The following AGR3 variants were observed in gnomAD, a reference collection of about 807,000 sequenced individuals.
AGR3 encodes anterior gradient protein 3.
AGR3 carries 37 observed loss-of-function variants against 24.5 expected under a neutral mutation model. The observed-to-expected ratio is 1.51, with a 90% CI of 1.16 to 1.99. AGR3 has a LOEUF of 1.99. AGR3 is among the 30% of genes most tolerant of loss of function. The pLI is 0.00. For missense variants in AGR3, 228 were observed against 191.1 expected, an observed-to-expected ratio of 1.19 and a Z score of -1.14; for synonymous variants, 75 against 61.6, an observed-to-expected ratio of 1.22 and a Z score of -1.02.
At chr7:16,877,107 C>T (rs1781998920) in intron 2 of AGR3, among the ~76,000 whole-genome samples, 1 of 151,530 alleles carries the variant, frequency 6.6e-6, no homozygotes, top group African/African-American at 2.4e-5. Context: ...AGTTAATTAG[C>T]TTAGGTAAAC....
At chr7:16,855,895 A>G (rs1386287073), downstream of AGR3, among the ~76,000 whole-genome samples, 3 of 152,202 alleles carry the variant, frequency 2.0e-5, no homozygotes, top group Non-Finnish European at 4.4e-5. Flanking sequence ...TTGTATACTT[A>G]TGTATTGTAA....
At position 16,878,619 on chromosome 7, in the gene AGR3, G is replaced by A; in HGVS notation, c.-1C>T. On this transcript the variant is annotated 5_prime_UTR_variant, in exon 2 of 8. Coordinates refer to ENST00000310398, the MANE Select transcript of AGR3 (RefSeq NM_176813.5). Reference sequence around the variant, plus strand: ...GACCCAAAGCTGAGTGTAGCATCATGTCTTCTAGAGACTCTCTCAGAAGAA... The same window carrying A: ...GACCCAAAGCTGAGTGTAGCATCATATCTTCTAGAGACTCTCTCAGAAGAA... 6.2e-7 allele frequency: 1 copy of A among 1,612,546 alleles called. No individual in the cohort carries two copies. Among genetic ancestry groups the A allele is most frequent in the Non-Finnish European group, 8.5e-7 (1 of 1,178,640 alleles).
chr7:16,859,828 C>T (rs1484564466), intron 7 of AGR3, among the ~76,000 whole-genome samples, 197 bp from the exon 8 acceptor site: 1 of 151,778 alleles, frequency 6.6e-6, no homozygotes, highest in Non-Finnish European at 1.5e-5. Flanking sequence ...GGTTGGTCAA[C>T]TTTATGTTGA....
chr7:16,865,307 T>C, intron 3 of AGR3: 1 of 1,121,024 alleles, frequency 8.9e-7, no homozygotes, highest in Non-Finnish European at 1.3e-6. Flanking sequence ...TTATTGCACT[T>C]CTCATATCAC....
At chr7:16,873,051 G>A (rs549949912) in intron 3 of AGR3, among the ~76,000 whole-genome samples, 6 of 152,172 alleles carry the variant, frequency 3.9e-5, no homozygotes, top group African/African-American at 1.2e-4. Flanking sequence ...AGGATTCTCA[G>A]AAAACTAAAA....
downstream of AGR3, among the ~76,000 whole-genome samples, chr7:16,855,466 AG>A (rs1236772944): frequency 6.6e-6 from 1 of 152,146 alleles, no homozygotes; most frequent in Non-Finnish European, 1.5e-5. Flanking sequence ...TGCTAATACC[AG>A]GGGAGCCAAG....
chr7:16,866,355 T>C (rs1472113678), intron 3 of AGR3: 3 of 395,876 alleles, frequency 7.6e-6, no homozygotes, highest in Admixed American at 6.3e-5. Flanking sequence ...CTGTAGTACA[T>C]TAAACTATAA....
chr7:16,862,589 G>C, intron 4 of AGR3, 21 bp downstream of exon 4: 1 of 1,441,700 alleles, frequency 6.9e-7, no homozygotes, highest in Non-Finnish European at 9.3e-7. Flanking sequence ...ATTATAATAA[G>C]ATATCAGGGG....
chr7:16,865,063 A>G, intron 3 of AGR3: 1 of 784,562 alleles, frequency 1.3e-6, no homozygotes, highest in East Asian at 2.4e-5. Flanking sequence ...AACCAAGATG[A>G]GTCTGATTCT....
chr7:16,873,007 T>A (rs188179294), intron 3 of AGR3, among the ~76,000 whole-genome samples: 5 of 152,316 alleles, frequency 3.3e-5, no homozygotes, highest in African/African-American at 1.2e-4. Context: ...TTGGTAGGAA[T>A]GTAAATTAGT....
chr7:16,874,801 C>T (rs1297990277), intron 2 of AGR3, among the ~76,000 whole-genome samples: 1 of 151,944 alleles, frequency 6.6e-6, no homozygotes, highest in Non-Finnish European at 1.5e-5. Flanking sequence ...ATTCATACGC[C>T]AATACAACTC....
chr7:16,856,985 T>C (rs1388137790), downstream of AGR3, among the ~76,000 whole-genome samples: 2 of 151,704 alleles, frequency 1.3e-5, no homozygotes. Context: ...GGTTTTTTTT[T>C]TTTTTTTAAA....
chr7:16,857,888 T>G (rs1214900947), downstream of AGR3, among the ~76,000 whole-genome samples: 1 of 152,082 alleles, frequency 6.6e-6, no homozygotes, highest in African/African-American at 2.4e-5. Flanking sequence ...TGCATATCTA[T>G]CTCATATAAA....
chr7:16,865,639 A>C lies in AGR3; in HGVS notation c.174-2977T>G. 7.7e-6 allele frequency: 6 copies of C among 776,312 alleles called. No homozygotes were observed. In the Admixed American group the frequency reaches 1.1e-4, roughly 14 times the overall value. 48.1% of individuals were successfully genotyped at this position (776,312 alleles called of 1,614,324 possible). A position where few individuals can be genotyped will look rare whatever the true frequency, so the allele number is the denominator to read the frequency against. Reference sequence around the variant, plus strand: ...ACTGGTTAGGTAAATCTTCAACCAGAATTATCTTCTTATCAGTTCTCAGAT... The same window carrying C: ...ACTGGTTAGGTAAATCTTCAACCAGCATTATCTTCTTATCAGTTCTCAGAT... On this transcript the variant is annotated intron_variant, in intron 3 of 7. Coordinates refer to ENST00000310398, the MANE Select transcript of AGR3 (RefSeq NM_176813.5).
rs1273693688 is a variant in AGR3, at chr7:16,859,622, T to G, written c.461A>C (p.Asn154Thr). The change falls in exon 8 of 8, where the codon AAC becomes ACC. Residue 154 changes from asparagine to threonine, a missense_variant. Transcript: ENST00000310398. ...EPRDLPLLIE[N>T]MKKALRLIQS... ...AATAAGTCTTAATGCTTTCTTCATG[T>G]TTTCTATCACTGAAATAAGAGTTAA... 2 of 1,528,892 alleles carry G rather than the reference T, an allele frequency of 1.3e-6. No homozygotes were observed. Among genetic ancestry groups the G allele is most frequent in the East Asian group, 4.6e-5 (2 of 43,754 alleles). 94.7% of individuals were successfully genotyped at this position (1,528,892 alleles called of 1,614,324 possible).
At chr7:16,870,720 C>T (rs1250409763) in intron 3 of AGR3, among the ~76,000 whole-genome samples, 2 of 152,044 alleles carry the variant, frequency 1.3e-5, no homozygotes, top group African/African-American at 4.8e-5. Context: ...TAATCCTAAA[C>T]CACTCTGGCA....
At chr7:16,880,972 G>A (rs1164830833) in intron 1 of AGR3, among the ~76,000 whole-genome samples, 1 of 152,136 alleles carries the variant, frequency 6.6e-6, no homozygotes, top group Admixed American at 6.5e-5. Context: ...TGGAAATTGT[G>A]TGCAAAATTT....
chr7:16,863,637 A>C (rs556606179), intron 3 of AGR3, among the ~76,000 whole-genome samples: 3 of 152,126 alleles, frequency 2.0e-5, no homozygotes, highest in African/African-American at 7.2e-5. Flanking sequence ...ATGTGTATGT[A>C]TTTCTTTTTA....
intron 3 of AGR3, among the ~76,000 whole-genome samples, chr7:16,871,783 A>G (rs2115310208): frequency 6.6e-6 from 1 of 152,276 alleles, no homozygotes; most frequent in Admixed American, 6.5e-5. Flanking sequence ...CAGAGGTTGC[A>G]GCGAGCTGAG....
Sources: gnomAD v4.1 joint callset for allele counts (sites outside exome capture counted in the v4.1 genomes callset) on GRCh38, gnomAD v4.1.1 for gene constraint, MANE v1.5 for transcripts, NCBI Gene and HGNC (gene_info 2026-07-23, HGNC 2026-07-21) for gene names.